The following GLIS3 variants were observed in gnomAD, a reference collection of about 807,000 sequenced individuals.
GLIS3 encodes zinc finger protein GLIS3.
In GLIS3, 53 loss-of-function variants were observed where a neutral mutation model predicts 78.6. The ratio of observed to expected loss-of-function variants is 0.67; its 90% CI spans 0.54 to 0.85. GLIS3 has a LOEUF of 0.85. Ranked by LOEUF, GLIS3 falls within the 40% of genes least tolerant of loss-of-function variation. The pLI, the probability that GLIS3 is intolerant of heterozygous loss-of-function variation, is 0.00. For synonymous variants in GLIS3, 684 were observed against 509.9 expected, an observed-to-expected ratio of 1.34 and a Z score of -4.60; for missense variants, 1,703 against 1,231.1, an observed-to-expected ratio of 1.38 and a Z score of -5.74.
At chr9:3,945,160 C>G (rs867799401) in intron 4 of GLIS3, among the ~76,000 whole-genome samples, 1 of 152,186 alleles carries the variant, frequency 6.6e-6, no homozygotes, top group Non-Finnish European at 1.5e-5. Context: ...GCATCATACT[C>G]GAACCATAGC....
intron 6 of GLIS3, among the ~76,000 whole-genome samples, chr9:3,918,746 G>T (rs1824680840): frequency 6.6e-6 from 1 of 152,024 alleles, no homozygotes; most frequent in Non-Finnish European, 1.5e-5. Context: ...ACATGGCATT[G>T]AAAACAAAAC....
chr9:4,079,577 G>A (rs1007389374), intron 4 of GLIS3, among the ~76,000 whole-genome samples: 7 of 152,156 alleles, frequency 4.6e-5, no homozygotes, highest in Admixed American at 3.3e-4. Flanking sequence ...CTCTGCCTTT[G>A]GGATGCCGTT....
intron 4 of GLIS3, among the ~76,000 whole-genome samples, chr9:4,043,411 T>A (rs566583980): frequency 1.7e-4 from 26 of 152,144 alleles, no homozygotes; most frequent in Middle Eastern, 6.8e-3. Flanking sequence ...TGGGGAGCAG[T>A]TCTGATTGAG....
chr9:4,217,689 G>C (rs1327024233), intron 2 of GLIS3, among the ~76,000 whole-genome samples: 1 of 152,152 alleles, frequency 6.6e-6, no homozygotes, highest in Non-Finnish European at 1.5e-5. Context: ...ACCTGTCACA[G>C]GCCCAGGGCA....
intron 4 of GLIS3, among the ~76,000 whole-genome samples, chr9:4,007,587 C>T (rs1821653944): frequency 6.6e-6 from 1 of 151,928 alleles, no homozygotes; most frequent in African/African-American, 2.4e-5. Flanking sequence ...AAGAAAAAAG[C>T]CTAAAGACAC....
chr9:3,927,470 C>T (rs12380850), intron 6 of GLIS3, among the ~76,000 whole-genome samples: 1 of 152,128 alleles, frequency 6.6e-6, no homozygotes, highest in African/African-American at 2.4e-5. Flanking sequence ...ACCAAAAAAA[C>T]TTTTTAAAAG....
chr9:4,470,183 G>C, the GLIS3 span, among the ~76,000 whole-genome samples: 512 of 152,226 alleles, frequency 3.4e-3, 3 homozygotes, highest in African/African-American at 0.012. Flanking sequence ...GTACAAAGAG[G>C]AGCTGGTACC....
intron 4 of GLIS3, among the ~76,000 whole-genome samples, chr9:3,984,079 TG>T (rs1255885530): frequency 2.0e-5 from 3 of 152,220 alleles, no homozygotes. Context: ...GGACTGTGTG[TG>T]CTGTGTGCAG....
chr9:3,834,630 A>C (rs1340064843), intron 9 of GLIS3, among the ~76,000 whole-genome samples: 1 of 152,206 alleles, frequency 6.6e-6, no homozygotes, highest in Non-Finnish European at 1.5e-5. Context: ...ACCCACCCCA[A>C]GTTTAAATAA....
intron 4 of GLIS3, among the ~76,000 whole-genome samples, chr9:3,969,465 C>T (rs142342037): frequency 6.6e-6 from 1 of 152,280 alleles, no homozygotes; most frequent in East Asian, 1.9e-4. Context: ...TTTGGTCTTG[C>T]ACATATCAGA....
intron 2 of GLIS3, among the ~76,000 whole-genome samples, chr9:4,130,150 CAT>C (rs1357629500): frequency 2.0e-5 from 3 of 152,130 alleles, no homozygotes; most frequent in African/African-American, 7.2e-5. Flanking sequence ...TTTCTAACAA[CAT>C]GTGTTTATAT....
At chr9:4,028,568 G>T (rs1474762568) in intron 4 of GLIS3, among the ~76,000 whole-genome samples, 1 of 152,146 alleles carries the variant, frequency 6.6e-6, no homozygotes. Flanking sequence ...TTTTCACAAA[G>T]TGACATACCT....
At chr9:4,323,817 C>G (rs746378764) in intron 2 of GLIS3, among the ~76,000 whole-genome samples, 1 of 152,118 alleles carries the variant, frequency 6.6e-6, no homozygotes, top group Non-Finnish European at 1.5e-5. Context: ...ATCATAGGGG[C>G]GCAGCAGAAG....
intron 9 of GLIS3, among the ~76,000 whole-genome samples, chr9:3,845,071 A>ATGTG (rs35747567): frequency 6.6e-6 from 1 of 151,248 alleles, no homozygotes; most frequent in African/African-American, 2.4e-5. Flanking sequence ...ATATATATAT[A>ATGTG]TGTGTGTGTG....
At chr9:4,328,901 G>C (rs1019864468) in intron 2 of GLIS3, among the ~76,000 whole-genome samples, 1 of 152,162 alleles carries the variant, frequency 6.6e-6, no homozygotes, top group Non-Finnish European at 1.5e-5. Flanking sequence ...TCAGCTCCCA[G>C]GCCTAAGATG....
At chr9:4,300,848 T>G (rs1448946842), upstream of GLIS3, among the ~76,000 whole-genome samples, 16 of 152,010 alleles carry the variant, frequency 1.1e-4, no homozygotes, top group Admixed American at 1.0e-3. Context: ...AATCTAGGTA[T>G]GTAATGCACA....
the GLIS3 span, among the ~76,000 whole-genome samples, chr9:4,375,335 G>T: frequency 6.6e-6 from 1 of 152,176 alleles, no homozygotes; most frequent in Non-Finnish European, 1.5e-5. Flanking sequence ...CTTTTTTCAG[G>T]TTGAGAGTGT....
chr9:3,847,672 C>G (rs1819145024), intron 9 of GLIS3, among the ~76,000 whole-genome samples: 1 of 152,238 alleles, frequency 6.6e-6, no homozygotes, highest in African/African-American at 2.4e-5. Flanking sequence ...ACATGACCAT[C>G]TCACACCCCT....
chr9:4,184,513 T>C (rs2131186245), intron 2 of GLIS3, among the ~76,000 whole-genome samples: 1 of 152,324 alleles, frequency 6.6e-6, no homozygotes. Context: ...GAGGAGCGCC[T>C]AGTCCTCCGT....
Sources: gnomAD v4.1 joint callset for allele counts (sites outside exome capture counted in the v4.1 genomes callset) on GRCh38, gnomAD v4.1.1 for gene constraint, MANE v1.5 for transcripts, NCBI Gene and HGNC (gene_info 2026-07-23, HGNC 2026-07-21) for gene names.